The following TENM1 variants were observed in gnomAD, a reference collection of about 807,000 sequenced individuals.
The protein encoded by TENM1 is teneurin transmembrane protein 1.
A neutral mutation model predicts 174.8 loss-of-function variants in TENM1; 35 were observed. The ratio of observed to expected loss-of-function variants is 0.20; its 90% CI spans 0.15 to 0.27. The LOEUF (loss-of-function observed/expected upper bound fraction) is 0.27. Ranked by LOEUF, TENM1 falls within the 10% of genes least tolerant of loss-of-function variation. TENM1 has a pLI of 1.00. For synonymous variants in TENM1, 781 were observed against 798.7 expected, an observed-to-expected ratio of 0.98 and a Z score of 0.37; for missense variants, 1,633 against 2,130.1, an observed-to-expected ratio of 0.77 and a Z score of 4.59.
the TENM1 span, among the ~76,000 whole-genome samples, chrX:125,193,641 G>A: frequency 0.017 from 1,854 of 110,944 alleles, 47 homozygotes; most frequent in African/African-American, 0.058. Context: ...ATCTATGGTG[G>A]GGGGTACTGT....
At chrX:124,628,431 A>G (rs1451584910) in intron 11 of TENM1, among the ~76,000 whole-genome samples, 1 of 111,250 alleles carries the variant, frequency 9.0e-6, no homozygotes, top group Non-Finnish European at 1.9e-5. Flanking sequence ...AAACAAAATT[A>G]TTTAGTAAAA....
In TENM1 at chrX:124,586,765, A is replaced by G. The variant is rs754193763; in HGVS notation, c.2078-21205T>C. Among the ~76,000 whole-genome samples the G allele has an allele frequency of 9.1e-3, 971 of 106,145 alleles. 10 individuals are homozygous for G. Among genetic ancestry groups the G allele is most frequent in the African/African-American group, 0.032 (910 of 28,489 alleles). 92.2% of individuals were successfully genotyped at this position (106,145 alleles called of 115,157 possible). A position where few individuals can be genotyped will look rare whatever the true frequency, so the allele number is the denominator to read the frequency against. On this transcript the variant is annotated intron_variant, in intron 11 of 31. Coordinates refer to ENST00000422452, the Ensembl canonical transcript of TENM1. The stretch of plus-strand genomic sequence containing the variant: ...GTCAAATTGTCCCTGTTTGCAGATG[A>G]CATGATTGTATATCTAGAAAACCCC...
At chrX:125,091,325 T>C in the TENM1 span, among the ~76,000 whole-genome samples, 1 of 111,459 alleles carries the variant, frequency 9.0e-6, no homozygotes, top group African/African-American at 3.3e-5. Flanking sequence ...GAGAACCTAA[T>C]CATCTAATTT....
chrX:124,971,446 A>C, the TENM1 span, among the ~76,000 whole-genome samples: 55 of 111,482 alleles, frequency 4.9e-4, no homozygotes, highest in African/African-American at 1.5e-3. Flanking sequence ...GCATGCTTCT[A>C]CACAATATCT....
chrX:125,163,547 T>A, the TENM1 span, among the ~76,000 whole-genome samples: 1 of 111,105 alleles, frequency 9.0e-6, no homozygotes, highest in Non-Finnish European at 1.9e-5. Flanking sequence ...TTAACAAATA[T>A]CCATGAACTC....
chrX:124,727,219 T>G (rs1435884434), intron 4 of TENM1, among the ~76,000 whole-genome samples: 2 of 112,544 alleles, frequency 1.8e-5, no homozygotes, highest in Non-Finnish European at 3.7e-5. Flanking sequence ...AGTGGTCATG[T>G]TAATCCCAAC....
the TENM1 span, among the ~76,000 whole-genome samples, chrX:125,105,927 A>G: frequency 8.9e-6 from 1 of 112,010 alleles, no homozygotes; most frequent in South Asian, 3.7e-4. Context: ...CTGAACTCTG[A>G]CTGCTTCTCC....
Position 124,660,375 on chromosome X carries a change from C to CA in TENM1, c.1169-6593dup, listed in dbSNP as rs200395881. Among the ~76,000 whole-genome samples the CA allele has an allele frequency of 9.7e-3, 767 of 79,177 alleles. 7 individuals are homozygous for CA. The highest frequency in any genetic ancestry group is 0.028 in the African/African-American group (619 of 21,835). The allele number at this position is 79,177 out of a possible 115,157, so 68.8% of individuals were successfully genotyped here. A position where few individuals can be genotyped will look rare whatever the true frequency, so the allele number is the denominator to read the frequency against. On this transcript the variant is annotated intron_variant, in intron 6 of 31. Transcript: ENST00000422452. ...GGGCGACTGAGCTAGACTCCATCTC[C>CA]AAAAAAAAAAAAAAATTAAAAACTT...
intron 20 of TENM1, among the ~76,000 whole-genome samples, chrX:124,490,386 T>C (rs961699847): frequency 1.4e-4 from 16 of 111,689 alleles, no homozygotes; most frequent in African/African-American, 4.6e-4. Flanking sequence ...TCTGAGATAT[T>C]TGTAGAGCTC....
chrX:125,071,115 C>T, the TENM1 span, among the ~76,000 whole-genome samples: 3 of 111,601 alleles, frequency 2.7e-5, no homozygotes, highest in Non-Finnish European at 5.7e-5. Flanking sequence ...TGTCATGTAG[C>T]CAGCTATGTT....
At chrX:125,061,001 T>TTA in the TENM1 span, among the ~76,000 whole-genome samples, 2,859 of 104,732 alleles carry the variant, frequency 0.027, 74 homozygotes, top group African/African-American at 0.084. Flanking sequence ...CTTGGAGATT[T>TTA]TATATATATA....
Position 124,431,125 on chromosome X carries a change from A to T in TENM1, c.4105-8487T>A, listed in dbSNP as rs113760026. Among the ~76,000 whole-genome samples, 329 of 112,120 alleles carry T rather than the reference A, an allele frequency of 2.9e-3. 2 individuals are homozygous for T. Among genetic ancestry groups the T allele is most frequent in the African/African-American group, 9.9e-3 (307 of 30,863 alleles). ...TAGAGCAGTAGACTATTTCTGTTCC[A>T]GTTTATTCATTTTAAGAAGTTAACA... On this transcript the variant is annotated intron_variant, in intron 23 of 31. Transcript: ENST00000422452.
chrX:124,775,089 A>G (rs1569439012), intron 3 of TENM1, among the ~76,000 whole-genome samples: 2 of 110,800 alleles, frequency 1.8e-5, no homozygotes, highest in African/African-American at 6.6e-5. Context: ...CAATGAAGCT[A>G]TAATTAGTTA....
intron 1 of TENM1, among the ~76,000 whole-genome samples, chrX:124,951,673 T>TGTATATATATAA (rs1556426225): frequency 6.1e-4 from 40 of 66,090 alleles, no homozygotes; most frequent in Non-Finnish European, 1.0e-3. Context: ...TATATATATA[T>TGTATATATATAA]AACAATCAAT....
At chrX:125,198,335 T>G in the TENM1 span, among the ~76,000 whole-genome samples, 1 of 111,905 alleles carries the variant, frequency 8.9e-6, no homozygotes, top group African/African-American at 3.2e-5. Flanking sequence ...TATATTATGT[T>G]TTCCTATCAT....
chrX:124,991,489 G>GGAGAGAGACA, the TENM1 span, among the ~76,000 whole-genome samples: 2 of 108,917 alleles, frequency 1.8e-5, no homozygotes, highest in African/African-American at 3.3e-5. Flanking sequence ...GGGGAGAGAG[G>GGAGAGAGACA]GAGAGAGACA....
chrX:125,162,606 C>G, the TENM1 span, among the ~76,000 whole-genome samples: 1 of 111,923 alleles, frequency 8.9e-6, no homozygotes, highest in African/African-American at 3.2e-5. Context: ...TGCCATTTCT[C>G]TAACATTTTC....
chrX:124,407,743 T>C (rs764731611), intron 25 of TENM1, among the ~76,000 whole-genome samples: 16 of 112,990 alleles, frequency 1.4e-4, no homozygotes, highest in African/African-American at 3.8e-4. Context: ...CGTGCGTGTG[T>C]GCACACACAC....
intron 11 of TENM1, among the ~76,000 whole-genome samples, chrX:124,636,380 T>C (rs2050879423): frequency 8.9e-6 from 1 of 111,734 alleles, no homozygotes; most frequent in Admixed American, 9.5e-5. Context: ...AATCTGCTAG[T>C]TTTATTAGGA....
Sources: gnomAD v4.1 joint callset for allele counts (sites outside exome capture counted in the v4.1 genomes callset) on GRCh38, gnomAD v4.1.1 for gene constraint, MANE v1.5 for transcripts, NCBI Gene and HGNC (gene_info 2026-07-23, HGNC 2026-07-21) for gene names.